Variants in ELOVL6 observed in about 807,000 individuals in gnomAD.
ELOVL6 encodes the protein ELOVL fatty acid elongase 6, also known as very long chain fatty acid elongase 6.
In ELOVL6, 8 loss-of-function variants were observed where a neutral mutation model predicts 31.7. That is an observed-to-expected ratio of 0.25 (90% CI 0.15 to 0.45). The LOEUF (loss-of-function observed/expected upper bound fraction) is 0.45, where lower values mean the gene tolerates loss of function less well. Ranked by LOEUF, ELOVL6 falls within the 20% of genes least tolerant of loss-of-function variation. The probability of loss-of-function intolerance (pLI) is 1.00; values close to 1 mark genes in which losing one functional copy is unlikely to be tolerated. For missense variants in ELOVL6, 126 were observed against 326.4 expected (o/e 0.39, Z 4.73); for synonymous variants, 101 against 117.7 (o/e 0.86, Z 0.92).
chr4:110,188,387 T>A (rs970342897), intron 1 of ELOVL6, among the ~76,000 whole-genome samples: 1 of 152,166 alleles, frequency 6.6e-6, no homozygotes, highest in East Asian at 1.9e-4. Flanking sequence ...TTTTTCTGAT[T>A]GAATATTATA....
chr4:110,084,394 G>GATATATATCGC (rs1202116032), intron 2 of ELOVL6, among the ~76,000 whole-genome samples: 2,609 of 41,122 alleles, frequency 0.063, 210 homozygotes, highest in South Asian at 0.078. Context: ...TCGCATATAT[G>GATATATATCGC]ATATATGATA....
intron 1 of ELOVL6, among the ~76,000 whole-genome samples, chr4:110,150,729 A>G (rs1366126775): frequency 1.3e-5 from 2 of 152,204 alleles, no homozygotes; most frequent in African/African-American, 4.8e-5. Flanking sequence ...GATAATAGAT[A>G]TTCATATTTT....
intron 2 of ELOVL6, among the ~76,000 whole-genome samples, chr4:110,073,109 T>G (rs1755537358): frequency 6.6e-6 from 1 of 152,218 alleles, no homozygotes; most frequent in Non-Finnish European, 1.5e-5. Context: ...CCTTACAATT[T>G]TTTTAAGGTC....
intron 2 of ELOVL6, among the ~76,000 whole-genome samples, chr4:110,084,075 GCTATATATGATATATAACATATAT>G (rs1756024787): frequency 1.8e-5 from 1 of 54,856 alleles, no homozygotes; most frequent in Non-Finnish European, 3.2e-5. Flanking sequence ...ACATATATAT[GCTATATATGATATATAACATATAT>G]ATGATATATA....
rs1491205446 is a variant in ELOVL6, at chr4:110,084,077, T to TATATATGATATATAAC, written c.221+21404_221+21419dup. On this transcript the variant is annotated intron_variant, in intron 2 of 3. Coordinates refer to ENST00000302274, the MANE Select transcript of ELOVL6 (RefSeq NM_024090.3). ...TATATGATATATAACATATATATGC[T>TATATATGATATATAAC]ATATATGATATATAACATATATATG... Among the ~76,000 whole-genome samples, 69 of 77,110 alleles carry TATATATGATATATAAC rather than the reference T, an allele frequency of 8.9e-4. 8 individuals are homozygous for TATATATGATATATAAC. The highest frequency in any genetic ancestry group is 1.4e-3 in the Non-Finnish European group (65 of 45,052). The allele number at this position is 77,110 out of a possible 152,430, so 50.6% of individuals were successfully genotyped here.
chr4:110,058,267 T>C (rs1370915250), intron 3 of ELOVL6, among the ~76,000 whole-genome samples: 1 of 151,976 alleles, frequency 6.6e-6, no homozygotes, highest in Non-Finnish European at 1.5e-5. Flanking sequence ...TCCGTGTGTG[T>C]AGGCGTTTGT....
Position 110,105,378 on chromosome 4 carries a change from T to C in ELOVL6, c.221+119A>G, listed in dbSNP as rs189369953. ...TCTTTCTGAACATGACTTTATTTTA[T>C]GTCCTCATCATATTCAATAATCAAA... On this transcript the variant is annotated intron_variant, in intron 2 of 3. Coordinates refer to ENST00000302274, the MANE Select transcript of ELOVL6 (RefSeq NM_024090.3). 86 of 1,051,630 alleles carry C rather than the reference T, an allele frequency of 8.2e-5. No individual in the cohort carries two copies. In the African/African-American group the frequency reaches 1.1e-3, roughly 14 times the overall value. The allele number at this position is 1,051,630 out of a possible 1,614,324, so 65.1% of individuals were successfully genotyped here. A position where few individuals can be genotyped will look rare whatever the true frequency, so the allele number is the denominator to read the frequency against.
chr4:110,086,429 A>G (rs1192144717), intron 2 of ELOVL6, among the ~76,000 whole-genome samples: 3 of 152,248 alleles, frequency 2.0e-5, no homozygotes, highest in Non-Finnish European at 4.4e-5. Flanking sequence ...AATCTCTTAC[A>G]TCTAAATTAT....
chr4:110,057,206 G>T (rs188931954), intron 3 of ELOVL6, among the ~76,000 whole-genome samples: 1 of 152,232 alleles, frequency 6.6e-6, no homozygotes, highest in Admixed American at 6.5e-5. Context: ...CAGGGAAAAG[G>T]CGTTTCTAGA....
intron 1 of ELOVL6, among the ~76,000 whole-genome samples, chr4:110,130,457 T>C (rs190422083): frequency 1.8e-3 from 269 of 152,332 alleles, no homozygotes; most frequent in African/African-American, 6.4e-3. Flanking sequence ...AGCTGTCCTA[T>C]ACTTCCTGGG....
Position 110,097,166 on chromosome 4 carries a change from C to T in ELOVL6, c.221+8331G>A, listed in dbSNP as rs975552700. On this transcript the variant is annotated intron_variant, in intron 2 of 3. Transcript: ENST00000302274. Reference sequence around the variant, plus strand: ...ACTAAAAATACAAAAATTAGCCAAGCGTGGTGGCGGGTGCCTGTAATCCCA... The same window carrying T: ...ACTAAAAATACAAAAATTAGCCAAGTGTGGTGGCGGGTGCCTGTAATCCCA... 4.6e-5 allele frequency among the ~76,000 whole-genome samples: 7 copies of T among 151,874 alleles called. No homozygotes were observed. The East Asian group carries it at 5.8e-4, about 13-fold the overall frequency.
At chr4:110,065,988 C>T (rs1253902873) in intron 2 of ELOVL6, among the ~76,000 whole-genome samples, 3 of 152,190 alleles carry the variant, frequency 2.0e-5, no homozygotes, top group Non-Finnish European at 4.4e-5. Flanking sequence ...ACCAACCAAT[C>T]TCCACCCTAC....
chr4:110,169,664 T>C (rs780227059), intron 1 of ELOVL6, among the ~76,000 whole-genome samples: 3 of 152,178 alleles, frequency 2.0e-5, no homozygotes, highest in Non-Finnish European at 4.4e-5. Context: ...ACACAGGTGT[T>C]TGGAAATTAT....
intron 2 of ELOVL6, among the ~76,000 whole-genome samples, chr4:110,073,969 A>G (rs776461947): frequency 3.9e-5 from 6 of 152,234 alleles, no homozygotes; most frequent in Non-Finnish European, 8.8e-5. Flanking sequence ...ACAAAATCCC[A>G]TAATTCCTCA....
At chr4:110,066,938 C>G (rs1333885467) in intron 2 of ELOVL6, among the ~76,000 whole-genome samples, 1 of 151,766 alleles carries the variant, frequency 6.6e-6, no homozygotes, top group Non-Finnish European at 1.5e-5. Context: ...CCCTGCCAGG[C>G]CACAGTGTGT....
intron 1 of ELOVL6, among the ~76,000 whole-genome samples, chr4:110,148,202 C>T (rs1758181201): frequency 6.6e-6 from 1 of 151,546 alleles, no homozygotes. Context: ...AACAAATAGC[C>T]AAGAAGCATA....
chr4:110,158,985 CAAAT>C (rs1758555446), intron 1 of ELOVL6, among the ~76,000 whole-genome samples: 1 of 151,984 alleles, frequency 6.6e-6, no homozygotes, highest in Non-Finnish European at 1.5e-5. Context: ...CTAAGTTAAA[CAAAT>C]AGTCATGACT....
chr4:110,092,970 T>C, intron 2 of ELOVL6: 1 of 292,904 alleles, frequency 3.4e-6, no homozygotes, highest in Admixed American at 4.8e-5. Context: ...TACATCTAAG[T>C]ATATTACATC....
At chr4:110,084,564 A>ATATT (rs1756172848) in intron 2 of ELOVL6, among the ~76,000 whole-genome samples, 4 of 33,204 alleles carry the variant, frequency 1.2e-4, no homozygotes, top group African/African-American at 5.3e-4. Flanking sequence ...ACACACACAG[A>ATATT]TATATATATA....
Sources: allele counts gnomAD v4.1 joint callset (sites outside exome capture counted in the v4.1 genomes callset), GRCh38; gene constraint gnomAD v4.1.1; transcripts MANE v1.5; gene names NCBI Gene and HGNC (gene_info 2026-07-23, HGNC 2026-07-21).